CD81: variants seen among roughly 807,000 people sequenced by gnomAD.
CD81 encodes the protein CD81 antigen.
Under a neutral mutation model 30.1 loss-of-function variants are expected in CD81, and 10 were observed. That is an observed-to-expected ratio of 0.33 (90% confidence interval 0.21 to 0.56). CD81 has a LOEUF of 0.56. CD81 is among the 20% of genes least tolerant of loss of function. The pLI, the probability that CD81 is intolerant of heterozygous loss-of-function variation, is 0.89. For missense variants in CD81, 263 were observed against 308.7 expected (o/e 0.85, Z 1.11); for synonymous variants, 147 against 126.4 (o/e 1.16, Z -1.10).
In CD81 at chr11:2,390,529, G is replaced by A. The variant is rs113863426; in HGVS notation, c.181+3G>A. Reference sequence around the variant, plus strand: ...CGCGCCCAACACCTTCTATGTAGGTGAGTGCACATGTGGCCGCAGACGCAT... The same window carrying A: ...CGCGCCCAACACCTTCTATGTAGGTAAGTGCACATGTGGCCGCAGACGCAT... On this transcript the variant is annotated splice_donor_region_variant and intron_variant, in intron 2 of 7. Transcript: ENST00000263645. The A allele has an allele frequency of 1.2e-6, 2 of 1,601,114 alleles. No homozygotes were observed. The highest frequency in any genetic ancestry group is 3.3e-5 in the Admixed American group (2 of 60,006).
chr11:2,384,129 C>G (rs982975634), intron 1 of CD81, among the ~76,000 whole-genome samples: 1 of 152,082 alleles, frequency 6.6e-6, no homozygotes, highest in African/African-American at 2.4e-5. Context: ...TTTATTAATT[C>G]CCAGGAAGGA....
At chr11:2,387,686 G>A (rs11022567) in intron 1 of CD81, among the ~76,000 whole-genome samples, 11,401 of 152,166 alleles carry the variant, frequency 0.075, 1,202 homozygotes, top group African/African-American at 0.23. Flanking sequence ...CTGGGGCCTT[G>A]TCATGTGAGG....
At chr11:2,379,390 C>T (rs2651840) in intron 1 of CD81, among the ~76,000 whole-genome samples, 1 of 19,898 alleles carries the variant, frequency 5.0e-5, no homozygotes, top group African/African-American at 1.3e-4. Context: ...GGGGTGGGGG[C>T]TGAGGGAGAG....
chr11:2,387,844 C>T (rs781115462), intron 1 of CD81, among the ~76,000 whole-genome samples: 19 of 152,166 alleles, frequency 1.2e-4, no homozygotes, highest in Non-Finnish European at 2.4e-4. Context: ...GCCATCCTCG[C>T]TAAACCAAAG....
chr11:2,391,931 C>T (rs1397954469), intron 2 of CD81: 1 of 152,252 alleles, frequency 6.6e-6, no homozygotes, highest in African/African-American at 2.4e-5. Context: ...TTGCTCCCCG[C>T]TTCCCAGATC....
At chr11:2,388,976 G>A (rs1365820632) in intron 1 of CD81, among the ~76,000 whole-genome samples, 1 of 152,204 alleles carries the variant, frequency 6.6e-6, no homozygotes, top group Non-Finnish European at 1.5e-5. Flanking sequence ...TGCCAGACCA[G>A]ATTTTAGGGG....
At chr11:2,395,756 G>C in intron 5 of CD81, 113 bp from the exon 6 acceptor site, 1 of 811,768 alleles carries the variant, frequency 1.2e-6, no homozygotes, top group Non-Finnish European at 2.1e-6. Flanking sequence ...GCCCCTGGAT[G>C]CATTCTGCAG....
rs779376853 is a variant in CD81 at position 2,395,042 on chromosome 11, A to G, written c.350A>G (p.Asp117Gly). The G allele has an allele frequency of 6.8e-6, 11 of 1,610,200 alleles. No individual in the cohort carries two copies. The highest frequency in any genetic ancestry group is 9.3e-6 in the Non-Finnish European group (11 of 1,178,628). ...AAGIWGFVNK[D>G]QIAKDVKQFY... The stretch of plus-strand genomic sequence containing the variant: ...GGCATCTGGGGCTTTGTCAACAAGG[A>G]CCAGGTGAGCCTGGGTGTGCAGGGA... Residue 117 changes from aspartate (D) to glycine (G), a missense_variant, in exon 4 of 8, where the codon GAC becomes GGC. Asp to Gly is a moderately conservative substitution (Grantham distance 94). Around this residue, in one of 3 missense-constraint regions of CD81, gnomAD observed 176 missense variants for 192.9 expected, o/e 0.91. Coordinates refer to ENST00000263645, the MANE Select transcript of CD81 (RefSeq NM_004356.4).
chr11:2,377,065 TGGG>T (rs891826307), upstream of CD81: 1 of 152,348 alleles, frequency 6.6e-6, no homozygotes, highest in Non-Finnish European at 1.5e-5. This position sits in a 1 kb window ranked among gnomAD's most constrained non-coding sequence, Gnocchi z 7.7. Context: ...GCCACCCCCT[TGGG>T]GGCTCGGAGC....
At chr11:2,379,859 C>A (rs1367970059) in intron 1 of CD81, among the ~76,000 whole-genome samples, 1 of 152,180 alleles carries the variant, frequency 6.6e-6, no homozygotes, top group African/African-American at 2.4e-5. Context: ...CAATGCCAGG[C>A]TGGGTGAGGT....
chr11:2,376,737 T>C (rs1056310790), upstream of CD81: 3 of 152,268 alleles, frequency 2.0e-5, no homozygotes, highest in African/African-American at 7.2e-5. Flanking sequence ...GGTCAGCAAT[T>C]CTCCCCTTCC....
Position 2,396,997 on chromosome 11 carries a change from T to C in CD81, c.*131T>C, listed in dbSNP as rs905570764. 2.2e-6 allele frequency: 2 copies of C among 903,532 alleles called. No individual in the cohort carries two copies. Among genetic ancestry groups the C allele is most frequent in the Middle Eastern group, 2.4e-4 (1 of 4,194 alleles). 56.0% of individuals were successfully genotyped at this position (903,532 alleles called of 1,614,324 possible). A position where few individuals can be genotyped will look rare whatever the true frequency, so the allele number is the denominator to read the frequency against. On this transcript the variant is annotated 3_prime_UTR_variant, in exon 8 of 8. Transcript: ENST00000263645. ...TCTGCTACACGTAGCCTTTTTACTT[T>C]TGGGGTTTTGTTTTTGTTCTGAACT...
rs772052611 is a variant in CD81 at position 2,390,451 on chromosome 11, C to T, written c.106C>T (p.Arg36Cys). The T allele has an allele frequency of 6.8e-6, 11 of 1,612,944 alleles. No homozygotes were observed. Among genetic ancestry groups the T allele is most frequent in the East Asian group, 4.5e-5 (2 of 44,878 alleles). ...GATCCTGGGTGTGGCCCTGTGGCTCCGCCATGACCCGCAGACCACCAACCT... is the reference window on the plus strand; with the variant it reads ...GATCCTGGGTGTGGCCCTGTGGCTCTGCCATGACCCGCAGACCACCAACCT... ...GVILGVALWL[R>C]HDPQTTNLLY... The change falls in exon 2 of 8, where the codon CGC (arginine) becomes TGC (cysteine). Residue 36 changes from arginine to cysteine, a missense_variant. This residue lies in a region of CD81 where 84 missense variants were observed against 98.2 expected (regional missense o/e 0.86). Transcript: ENST00000263645.
intron 1 of CD81, among the ~76,000 whole-genome samples, chr11:2,381,021 G>A (rs915549954): frequency 2.0e-5 from 3 of 152,230 alleles, no homozygotes; most frequent in Non-Finnish European, 2.9e-5. Context: ...GTCTTTCGCC[G>A]TCCTTCCGGG....
Position 2,395,518 on chromosome 11 carries a change from A to T in CD81, c.457A>T (p.Thr153Ser). Residue 153 changes from threonine to serine, a missense_variant and splice_region_variant, in exon 5 of 8, where the codon ACG (threonine) becomes TCG (serine). Physicochemically the swap from Thr to Ser is moderately conservative, Grantham distance 58. Around this residue, in one of 3 missense-constraint regions of CD81, gnomAD observed 176 missense variants for 192.9 expected, o/e 0.91. Coordinates refer to ENST00000263645, the MANE Select transcript of CD81 (RefSeq NM_004356.4). ...AKAVVKTFHE[T>S]LDCCGSSTLT... Reference sequence around the variant, plus strand: ...GGCTGTGGTGAAGACCTTCCACGAGACGGTGCGGCCCCGGGGGGCGAGGGC... The same window carrying T: ...GGCTGTGGTGAAGACCTTCCACGAGTCGGTGCGGCCCCGGGGGGCGAGGGC... 2.5e-6 allele frequency: 4 copies of T among 1,611,876 alleles called. No individual in the cohort carries two copies. The highest frequency in any genetic ancestry group is 1.3e-5 in the African/African-American group (1 of 74,966).
intron 1 of CD81, chr11:2,386,549 A>G (rs1849801364): frequency 1.4e-6 from 1 of 716,988 alleles, no homozygotes; most frequent in Non-Finnish European, 2.6e-6. Flanking sequence ...CATTGTTGTC[A>G]CCTAGCTCCA....
rs1210004076 is a variant in CD81 at position 2,397,131 on chromosome 11, C to T, written c.*265C>T. On this transcript the variant is annotated 3_prime_UTR_variant, in exon 8 of 8. Coordinates refer to ENST00000263645, the MANE Select transcript of CD81 (RefSeq NM_004356.4). The stretch of plus-strand genomic sequence containing the variant: ...CAGGGGTCCTTCTGCCCTGGGGTCC[C>T]AGGGTGCTCTGCCTGCTCAGCCAGG... The T allele has an allele frequency of 3.8e-6, 2 of 527,564 alleles. No homozygotes were observed. Among genetic ancestry groups the T allele is most frequent in the Non-Finnish European group, 6.9e-6 (2 of 291,256 alleles). 32.7% of individuals were successfully genotyped at this position (527,564 alleles called of 1,614,324 possible).
intron 6 of CD81, 95 bp from the exon 7 acceptor site, chr11:2,396,533 A>G (rs759117280): frequency 5.7e-5 from 62 of 1,097,128 alleles, no homozygotes; most frequent in Non-Finnish European, 6.9e-5. Flanking sequence ...ATTCCCCTCT[A>G]CGCTTTCTGT....
chr11:2,396,584 C>A, intron 6 of CD81, 44 bp from the exon 7 acceptor site: 3 of 1,510,258 alleles, frequency 2.0e-6, no homozygotes, highest in Non-Finnish European at 2.7e-6. Context: ...AAGCCGGGAG[C>A]CGAGGCCCGG....
Sources: gnomAD v4.1 joint callset for allele counts (sites outside exome capture counted in the v4.1 genomes callset) on GRCh38, gnomAD v4.1.1 for gene constraint, gnomAD v4.1.1 regional missense constraint, Gnocchi (gnomAD v3.1) non-coding constraint, MANE v1.5 for transcripts, NCBI Gene and HGNC (gene_info 2026-07-23, HGNC 2026-07-21) for gene names.